TBCE: variants seen among roughly 807,000 people sequenced by gnomAD.
The protein encoded by TBCE is tubulin-specific chaperone E.
Under a neutral mutation model 77.0 loss-of-function variants are expected in TBCE, and 53 were observed. The ratio of observed to expected loss-of-function variants is 0.69; its 90% CI spans 0.55 to 0.87. The LOEUF (loss-of-function observed/expected upper bound fraction) is 0.87, where lower values mean the gene tolerates loss of function less well. Among genes scored for constraint, TBCE ranks in the 40% least tolerant of loss-of-function variants. TBCE has a pLI of 0.00. For synonymous variants in TBCE, 235 were observed against 241.3 expected (o/e 0.97, Z 0.24); for missense variants, 624 against 622.4 (o/e 1.00, Z -0.03).
At chr1:235,384,920 T>C (rs1178430866) in intron 2 of TBCE, among the ~76,000 whole-genome samples, 12 of 151,894 alleles carry the variant, frequency 7.9e-5, no homozygotes. Context: ...GGTGTCAATT[T>C]TGGATCTTTC....
intron 1 of TBCE, among the ~76,000 whole-genome samples, chr1:235,378,394 T>C (rs1361762814): frequency 4.5e-5 from 3 of 66,948 alleles, no homozygotes; most frequent in Non-Finnish European, 7.8e-5. Context: ...CTAATTTTTG[T>C]ATTTTTTTTT....
intron 7 of TBCE, among the ~76,000 whole-genome samples, chr1:235,432,070 G>A (rs562552169): frequency 1.9e-4 from 29 of 151,890 alleles, no homozygotes; most frequent in African/African-American, 6.5e-4. Flanking sequence ...TGCAACCTCC[G>A]TCTCCTGGGT....
At chr1:235,442,341 T>C (rs538667778) in intron 14 of TBCE, among the ~76,000 whole-genome samples, 2 of 152,318 alleles carry the variant, frequency 1.3e-5, no homozygotes, top group Admixed American at 1.3e-4. Context: ...CAGTTAATTT[T>C]GTATTTTTAG....
chr1:235,441,798 T>C lies in TBCE; in HGVS notation c.1271-16T>C, dbSNP rs987316259. On this transcript the variant is annotated splice_polypyrimidine_tract_variant and intron_variant, in intron 13 of 16. Transcript: ENST00000642610. ...GCCTTTGGTTTATCATTCATCTCTT[T>C]TGCTTTCTTAAACAGAATATGGTGC... 2.5e-6 allele frequency: 4 copies of C among 1,613,272 alleles called. No homozygotes were observed. The highest frequency in any genetic ancestry group is 3.4e-6 in the Non-Finnish European group (4 of 1,179,354).
chr1:235,390,491 C>G (rs533877795), intron 2 of TBCE, among the ~76,000 whole-genome samples: 1 of 152,226 alleles, frequency 6.6e-6, no homozygotes, highest in South Asian at 2.1e-4. Context: ...GTGGCTCACA[C>G]CTGTAGTCCC....
chr1:235,433,928 C>T (rs1422004673), intron 7 of TBCE: 7 of 513,598 alleles, frequency 1.4e-5, no homozygotes, highest in Middle Eastern at 5.3e-4. Context: ...TGTTCCACCT[C>T]GTAGCTGCTT....
chr1:235,422,920 A>C (rs1680480393), intron 5 of TBCE, among the ~76,000 whole-genome samples: 1 of 152,214 alleles, frequency 6.6e-6, no homozygotes, highest in African/African-American at 2.4e-5. Flanking sequence ...AAGAATCAGC[A>C]TGTTGTTTGT....
At position 235,381,406 on chromosome 1, in the gene TBCE, C is replaced by T. The variant is rs376108869; in HGVS notation, c.100+1257C>T. Among the ~76,000 whole-genome samples, 4 of 151,762 alleles carry T rather than the reference C, an allele frequency of 2.6e-5. No homozygotes were observed. In the East Asian group the frequency reaches 5.8e-4, roughly 22 times the overall value. ...CATGGTAAGACTGATTTGCTTGGGCCGGGCACGGTGGCTCACACCTGTATT... is the reference window on the plus strand; with the variant it reads ...CATGGTAAGACTGATTTGCTTGGGCTGGGCACGGTGGCTCACACCTGTATT... On this transcript the variant is annotated intron_variant, in intron 2 of 16. Coordinates refer to ENST00000642610, the MANE Select transcript of TBCE (RefSeq NM_003193.5).
At chr1:235,424,624 G>A (rs907427976) in intron 5 of TBCE, among the ~76,000 whole-genome samples, 23 of 151,998 alleles carry the variant, frequency 1.5e-4, no homozygotes, top group African/African-American at 5.1e-4. Context: ...TCCTGCCTCA[G>A]CTTCCCGAGT....
chr1:235,444,644 G>T (rs1040399811), intron 15 of TBCE, among the ~76,000 whole-genome samples: 1 of 152,128 alleles, frequency 6.6e-6, no homozygotes, highest in African/African-American at 2.4e-5. Flanking sequence ...AGCTCAAGCA[G>T]TTCTCCTGTC....
At chr1:235,441,550 G>T in intron 13 of TBCE, 1 of 500,994 alleles carries the variant, frequency 2.0e-6, no homozygotes, top group Non-Finnish European at 3.6e-6. Flanking sequence ...TTCATTTGTT[G>T]TCTTTTGTTG....
chr1:235,372,337 C>T (rs572316974), intron 1 of TBCE, among the ~76,000 whole-genome samples: 17 of 152,262 alleles, frequency 1.1e-4, no homozygotes, highest in African/African-American at 2.2e-4. Flanking sequence ...GGATTACAGG[C>T]GTGAGCCACC....
intron 5 of TBCE, among the ~76,000 whole-genome samples, chr1:235,426,731 C>T (rs886599884): frequency 3.9e-5 from 6 of 152,152 alleles, no homozygotes; most frequent in African/African-American, 7.2e-5. Context: ...CTGCAACCTC[C>T]GCCTCCCGGG....
intron 3 of TBCE, among the ~76,000 whole-genome samples, chr1:235,412,655 A>C (rs1455754525): frequency 6.6e-6 from 1 of 152,046 alleles, no homozygotes; most frequent in Non-Finnish European, 1.5e-5. Context: ...ACTTCTTCCC[A>C]GGTTGGGGAT....
intron 13 of TBCE, among the ~76,000 whole-genome samples, chr1:235,439,714 C>T (rs1337415908): frequency 6.6e-6 from 1 of 151,636 alleles, no homozygotes; most frequent in Admixed American, 6.6e-5. Flanking sequence ...TCTTGAACTC[C>T]TGACCTCAAG....
At position 235,443,398 on chromosome 1, in the gene TBCE, C is replaced by T. The variant is rs12239619; in HGVS notation, c.1399+487C>T. Among the ~76,000 whole-genome samples, 1,249 of 152,190 alleles carry T rather than the reference C, an allele frequency of 8.2e-3. 14 individuals are homozygous for T. The highest frequency in any genetic ancestry group is 0.029 in the African/African-American group (1,197 of 41,530). On this transcript the variant is annotated intron_variant, in intron 15 of 16. Coordinates refer to ENST00000642610, the MANE Select transcript of TBCE (RefSeq NM_003193.5). ...TGTATTTTTTGTAGAGATGGGTTTT[C>T]GCCATGTTGCCCAGGCTGGTCTCGA...
chr1:235,379,444 C>A (rs1431859975), intron 1 of TBCE, among the ~76,000 whole-genome samples: 4 of 152,182 alleles, frequency 2.6e-5, no homozygotes, highest in African/African-American at 9.6e-5. Context: ...AGGGGAATTG[C>A]TTGAACCAGG....
Position 235,404,254 on chromosome 1 carries a change from G to A in TBCE, c.185+2667G>A, listed in dbSNP as rs552834844. On this transcript the variant is annotated intron_variant, in intron 3 of 16. Transcript: ENST00000642610. Reference sequence around the variant, plus strand: ...GTCGTGCCACTGCACTCCAGCCTGCGTGACAGAGCAAGACTCCGGCTCAAG... The same window carrying A: ...GTCGTGCCACTGCACTCCAGCCTGCATGACAGAGCAAGACTCCGGCTCAAG... Among the ~76,000 whole-genome samples the A allele has an allele frequency of 4.0e-3, 607 of 151,292 alleles. 4 individuals are homozygous for A. The highest frequency in any genetic ancestry group is 0.014 in the African/African-American group (578 of 41,230).
chr1:235,422,244 G>A (rs1053900946), intron 5 of TBCE, among the ~76,000 whole-genome samples: 6 of 152,192 alleles, frequency 3.9e-5, no homozygotes, highest in Admixed American at 6.5e-5. Context: ...GTGTACAGTG[G>A]CTCATGCCTG....
Sources: allele counts gnomAD v4.1 joint callset (sites outside exome capture counted in the v4.1 genomes callset), GRCh38; gene constraint gnomAD v4.1.1; transcripts MANE v1.5; gene names NCBI Gene and HGNC (gene_info 2026-07-23, HGNC 2026-07-21).